The following NWD2 variants were observed in gnomAD, a reference collection of about 807,000 sequenced individuals.
NWD2 encodes NACHT and WD repeat domain-containing protein 2.
In NWD2, 37 loss-of-function variants were observed where a neutral mutation model predicts 132.7. The observed-to-expected ratio is 0.28, with a 90% CI of 0.21 to 0.37. The LOEUF is 0.37. NWD2 is among the 10% of genes least tolerant of loss of function. The pLI, the probability that NWD2 is intolerant of heterozygous loss-of-function variation, is 1.00. For synonymous variants in NWD2, 705 were observed against 803.0 expected, an observed-to-expected ratio of 0.88 and a Z score of 2.06; for missense variants, 1,592 against 2,122.4, an observed-to-expected ratio of 0.75 and a Z score of 4.91.
At chr4:37,349,339 C>A (rs1719716288) in intron 2 of NWD2, among the ~76,000 whole-genome samples, 1 of 152,192 alleles carries the variant, frequency 6.6e-6, no homozygotes, top group Admixed American at 6.5e-5. Flanking sequence ...TCCTCTCCAG[C>A]ATCTTTTGTT....
Position 37,445,733 on chromosome 4 carries a change from A to G in NWD2, c.3745A>G (p.Thr1249Ala). Residue 1249 changes from threonine (T) to alanine (A), a missense_variant, in exon 7 of 7, where the codon ACC (threonine) becomes GCC (alanine). Physicochemically the swap from Thr to Ala is moderately conservative, Grantham distance 58. Coordinates refer to ENST00000309447, the MANE Select transcript of NWD2 (RefSeq NM_001144990.2). This position sits in a 1 kb window ranked among gnomAD's most constrained non-coding sequence, Gnocchi z 4.7. Reference sequence around the variant, plus strand: ...TAAAAATGGAGATTGTATCATCGCCACCATGGAAAATACCTCAGCTGTGTT... The same window carrying G: ...TAAAAATGGAGATTGTATCATCGCCGCCATGGAAAATACCTCAGCTGTGTT... ...LSKNGDCIIATMENTSAVFFW... is the reference protein window; with the variant it reads ...LSKNGDCIIAAMENTSAVFFW... The G allele has an allele frequency of 6.4e-7, 1 of 1,551,836 alleles. No individual in the cohort carries two copies. Among genetic ancestry groups the G allele is most frequent in the Non-Finnish European group, 8.7e-7 (1 of 1,147,024 alleles).
intron 1 of NWD2, among the ~76,000 whole-genome samples, chr4:37,285,831 A>G (rs1718220317): frequency 6.6e-6 from 1 of 152,230 alleles, no homozygotes; most frequent in Admixed American, 6.5e-5. Flanking sequence ...GGTTCTCATT[A>G]AATAGGGAGT....
chr4:37,284,925 C>T (rs1718196349), intron 1 of NWD2, among the ~76,000 whole-genome samples: 1 of 152,116 alleles, frequency 6.6e-6, no homozygotes, highest in South Asian at 2.1e-4. Context: ...GGCCTACCTG[C>T]CTTCAGGGAT....
chr4:37,420,785 G>A (rs1376312178), intron 3 of NWD2, among the ~76,000 whole-genome samples: 1 of 152,146 alleles, frequency 6.6e-6, no homozygotes, highest in Non-Finnish European at 1.5e-5. Flanking sequence ...ACTGGGGCAG[G>A]GGCGGTTCCT....
intron 2 of NWD2, among the ~76,000 whole-genome samples, chr4:37,333,387 A>G (rs1024147410): frequency 1.3e-5 from 2 of 152,318 alleles, no homozygotes; most frequent in Admixed American, 6.5e-5. Context: ...AGCTCAGCAC[A>G]GAGAGAGGGA....
intron 3 of NWD2, among the ~76,000 whole-genome samples, chr4:37,410,133 C>T (rs540151826): frequency 7.9e-5 from 12 of 152,254 alleles, no homozygotes; most frequent in Admixed American, 2.6e-4. Flanking sequence ...TTCATAATGA[C>T]GGGATCAAAT....
In NWD2 at chr4:37,323,160, G is replaced by T. The variant is rs576638090; in HGVS notation, c.152-2776G>T. ...TGTGGTCAGCAGTGACTAAGGAAAT[G>T]CAAATAGAAGTACTTAGCACACTAC... On this transcript the variant is annotated intron_variant, in intron 1 of 6. Coordinates refer to ENST00000309447, the MANE Select transcript of NWD2 (RefSeq NM_001144990.2). 2.0e-5 allele frequency among the ~76,000 whole-genome samples: 3 copies of T among 152,260 alleles called. No homozygotes were observed. In the East Asian group the frequency reaches 5.8e-4, roughly 29 times the overall value.
At chr4:37,307,581 C>T (rs1240668905) in intron 1 of NWD2, among the ~76,000 whole-genome samples, 1 of 152,112 alleles carries the variant, frequency 6.6e-6, no homozygotes, top group Non-Finnish European at 1.5e-5. Context: ...TGACTTTTGA[C>T]TATAATGTTT....
intron 5 of NWD2, among the ~76,000 whole-genome samples, chr4:37,434,692 A>ACCTCT (rs1305974917): frequency 1.3e-5 from 2 of 152,164 alleles, no homozygotes; most frequent in Admixed American, 6.5e-5. Flanking sequence ...AATTCCCAGC[A>ACCTCT]GAGGGAGCAA....
chr4:37,392,304 C>G (rs979691872), intron 3 of NWD2, among the ~76,000 whole-genome samples: 1 of 152,196 alleles, frequency 6.6e-6, no homozygotes, highest in Non-Finnish European at 1.5e-5. Flanking sequence ...ACGCTCCCAT[C>G]AAAACTGAAG....
At chr4:37,278,934 A>C (rs1718077198) in intron 1 of NWD2, among the ~76,000 whole-genome samples, 2 of 152,174 alleles carry the variant, frequency 1.3e-5, no homozygotes, top group South Asian at 4.1e-4. Flanking sequence ...TGCAAAACTG[A>C]CTTAGTATTA....
chr4:37,268,618 C>T (rs775451646), intron 1 of NWD2, among the ~76,000 whole-genome samples: 4 of 151,696 alleles, frequency 2.6e-5, no homozygotes. Flanking sequence ...AAATATAGTA[C>T]TTTTATGTAG....
intron 1 of NWD2, among the ~76,000 whole-genome samples, chr4:37,274,591 A>G (rs1717948886): frequency 6.6e-6 from 1 of 152,218 alleles, no homozygotes; most frequent in South Asian, 2.1e-4. Context: ...TGAGGCCAGC[A>G]TCATCCTGAT....
At chr4:37,353,264 G>A (rs1719806145) in intron 2 of NWD2, among the ~76,000 whole-genome samples, 1 of 152,046 alleles carries the variant, frequency 6.6e-6, no homozygotes, top group Non-Finnish European at 1.5e-5. Context: ...TTTCTCTATG[G>A]CTGCCCCTAA....
chr4:37,377,132 T>A (rs1422035092), intron 3 of NWD2, among the ~76,000 whole-genome samples: 1 of 152,162 alleles, frequency 6.6e-6, no homozygotes, highest in East Asian at 1.9e-4. Context: ...TAGGACAGAC[T>A]CAATTATAGG....
intron 3 of NWD2, among the ~76,000 whole-genome samples, chr4:37,386,038 G>A (rs1443657815): frequency 6.6e-6 from 1 of 152,140 alleles, no homozygotes; most frequent in Non-Finnish European, 1.5e-5. Flanking sequence ...ACACTACCAA[G>A]GTGGTTGCCA....
chr4:37,336,724 A>AG (rs1560398309), intron 2 of NWD2, among the ~76,000 whole-genome samples: 1 of 152,138 alleles, frequency 6.6e-6, no homozygotes, highest in Non-Finnish European at 1.5e-5. Context: ...GTGGATCACG[A>AG]GGTCAGAAGT....
intron 3 of NWD2, among the ~76,000 whole-genome samples, chr4:37,386,168 T>C (rs1374579725): frequency 2.6e-5 from 4 of 152,118 alleles, no homozygotes; most frequent in African/African-American, 4.8e-5. Context: ...TATTTCTCTA[T>C]AAAGAAAGAT....
intron 1 of NWD2, among the ~76,000 whole-genome samples, chr4:37,269,418 A>G (rs1717824088): frequency 6.6e-6 from 1 of 151,910 alleles, no homozygotes; most frequent in Non-Finnish European, 1.5e-5. Context: ...AATGAAATGC[A>G]TCTTAAGTGT....
Sources: allele counts gnomAD v4.1 joint callset (sites outside exome capture counted in the v4.1 genomes callset), GRCh38; gene constraint gnomAD v4.1.1; non-coding constraint Gnocchi (gnomAD v3.1); transcripts MANE v1.5; gene names NCBI Gene and HGNC (gene_info 2026-07-23, HGNC 2026-07-21).